Variants in SLC6A4 observed in about 807,000 individuals in gnomAD.
SLC6A4 encodes the protein sodium-dependent serotonin transporter.
In SLC6A4, 22 loss-of-function variants were observed where a neutral mutation model predicts 73.4. The ratio of observed to expected loss-of-function variants is 0.30; its 90% confidence interval spans 0.21 to 0.43. The LOEUF is 0.43. Among genes scored for constraint, SLC6A4 ranks in the 20% least tolerant of loss-of-function variants. The probability of loss-of-function intolerance (pLI) is 1.00; values close to 1 mark genes in which losing one functional copy is unlikely to be tolerated. For synonymous variants in SLC6A4, 270 were observed against 315.5 expected, an observed-to-expected ratio of 0.86 and a Z score of 1.53; for missense variants, 593 against 808.5, an observed-to-expected ratio of 0.73 and a Z score of 3.23.
chr17:30,228,263 C>T (rs766946043), intron 1 of SLC6A4, among the ~76,000 whole-genome samples: 8 of 152,174 alleles, frequency 5.3e-5, no homozygotes, highest in Non-Finnish European at 1.0e-4. Flanking sequence ...TGTGTAAAAG[C>T]AGACTGTTAA....
intron 12 of SLC6A4, among the ~76,000 whole-genome samples, chr17:30,208,569 C>A (rs532712230): frequency 2.0e-5 from 3 of 152,236 alleles, no homozygotes; most frequent in Admixed American, 6.5e-5. Flanking sequence ...GGGAAGATTT[C>A]TTCTTTAAAA....
chr17:30,225,709 C>T (rs947927742), intron 1 of SLC6A4, among the ~76,000 whole-genome samples: 6 of 152,186 alleles, frequency 3.9e-5, no homozygotes, highest in Middle Eastern at 6.8e-3. Flanking sequence ...AGGGTGGTGC[C>T]GTGGACCCCA....
rs1399153589 is a variant in SLC6A4 at position 30,206,780 on chromosome 17, G to A, written c.1650+952C>T. On this transcript the variant is annotated intron_variant, in intron 13 of 14. Transcript: ENST00000650711. ...ATCGCCCAGGCTGGAGTGCAATGGC[G>A]CGATCTCAGCTCACTGCAACCTCCG... 9.2e-5 allele frequency among the ~76,000 whole-genome samples: 12 copies of A among 130,750 alleles called. No homozygotes were observed. The East Asian group carries it at 1.0e-3, about 11-fold the overall frequency. 85.8% of individuals were successfully genotyped at this position (130,750 alleles called of 152,430 possible).
rs752261598 is a variant in SLC6A4 at position 30,198,527 on chromosome 17, T to A, written c.1822A>T (p.Ile608Phe). Residue 608 changes from isoleucine to phenylalanine, a missense_variant, in exon 15 of 15, where the codon ATT (isoleucine) becomes TTT (phenylalanine). By Grantham distance (21) the Ile-to-Phe change is conservative (BLOSUM62 0). Coordinates refer to ENST00000650711, the MANE Select transcript of SLC6A4 (RefSeq NM_001045.6). ...IITPGTFKER[I>F]IKSITPETPT... Reference sequence around the variant, plus strand: ...GTTTCTGGGGTAATACTTTTAATAATACGCTATTGGGAAGAAAATACAATG... The same window carrying A: ...GTTTCTGGGGTAATACTTTTAATAAAACGCTATTGGGAAGAAAATACAATG... 6.4e-7 allele frequency: 1 copy of A among 1,569,186 alleles called. No individual in the cohort carries two copies. The highest frequency in any genetic ancestry group is 1.7e-5 in the Admixed American group (1 of 59,212).
intron 1 of SLC6A4, among the ~76,000 whole-genome samples, chr17:30,228,805 T>C (rs1298006263): frequency 6.6e-6 from 1 of 152,246 alleles, no homozygotes; most frequent in African/African-American, 2.4e-5. Context: ...TCACTCGCCA[T>C]TGATTACCAG....
At chr17:30,199,604 G>GA (rs934388493) in intron 14 of SLC6A4, among the ~76,000 whole-genome samples, 1 of 152,112 alleles carries the variant, frequency 6.6e-6, no homozygotes, top group African/African-American at 2.4e-5. Flanking sequence ...TACAGTTAAT[G>GA]AAATGCACTA....
intron 13 of SLC6A4, chr17:30,203,717 G>C: frequency 4.8e-6 from 1 of 207,198 alleles, no homozygotes; most frequent in Non-Finnish European, 9.8e-6. Context: ...CCAGAAGGCA[G>C]AGGAATAAAC....
At chr17:30,221,581 G>A (rs1906761103) in intron 3 of SLC6A4, 35 bp downstream of exon 3, 1 of 1,575,478 alleles carries the variant, frequency 6.3e-7, no homozygotes, top group African/African-American at 1.3e-5. Context: ...GCCCACCCTG[G>A]GTCACAGCCT....
intron 11 of SLC6A4, 88 bp from the exon 12 acceptor site, chr17:30,209,330 A>C: frequency 1.2e-6 from 1 of 828,978 alleles, no homozygotes. Context: ...CCTCACTTAG[A>C]ATCATTCTGG....
chr17:30,214,440 AAG>A (rs1555588533), intron 8 of SLC6A4, among the ~76,000 whole-genome samples: 17 of 139,822 alleles, frequency 1.2e-4, no homozygotes, highest in Admixed American at 3.6e-4. Context: ...AAAAAAAAAA[AAG>A]AAAAGAAAAG....
chr17:30,212,360 T>C (rs1041269440), intron 9 of SLC6A4, among the ~76,000 whole-genome samples: 1 of 152,216 alleles, frequency 6.6e-6, no homozygotes, highest in African/African-American at 2.4e-5. Context: ...GAAAGATCTC[T>C]AAGGCATCGA....
rs748545934 is a variant in SLC6A4, at chr17:30,231,433, GTA to G, written c.-221+4178_-221+4179del. 5.3e-5 allele frequency among the ~76,000 whole-genome samples: 8 copies of G among 150,516 alleles called. No individual in the cohort carries two copies. The South Asian group carries it at 6.3e-4, about 12-fold the overall frequency. On this transcript the variant is annotated intron_variant, in intron 1 of 14. Coordinates refer to ENST00000650711, the MANE Select transcript of SLC6A4 (RefSeq NM_001045.6). ...ACTGTATGTATCTGTATGTACATAT[GTA>G]TATATATATCTGTATGTATCTGTAT...
intron 12 of SLC6A4, 80 bp from the exon 13 acceptor site, chr17:30,207,912 A>G: frequency 9.7e-7 from 1 of 1,030,662 alleles, no homozygotes; most frequent in Non-Finnish European, 1.5e-6. Context: ...TCTCTGGGAG[A>G]GTCAGAGTCA....
chr17:30,214,240 T>C (rs1206409884), intron 8 of SLC6A4, among the ~76,000 whole-genome samples: 4 of 151,582 alleles, frequency 2.6e-5, no homozygotes, highest in African/African-American at 9.7e-5. Context: ...CTGACCAACA[T>C]GGAGAAACCC....
intron 14 of SLC6A4, among the ~76,000 whole-genome samples, chr17:30,202,043 G>T (rs1906053452): frequency 1.3e-5 from 2 of 152,132 alleles, no homozygotes; most frequent in South Asian, 4.1e-4. Context: ...AGTGAGCCAT[G>T]ATTATACCAC....
At chr17:30,200,257 T>C (rs1905991588) in intron 14 of SLC6A4, among the ~76,000 whole-genome samples, 1 of 152,248 alleles carries the variant, frequency 6.6e-6, no homozygotes, top group Admixed American at 6.5e-5. Context: ...CACGTCTGTT[T>C]TCCGTGCTTT....
chr17:30,213,310 T>C (rs538822657), intron 8 of SLC6A4, among the ~76,000 whole-genome samples: 1 of 150,372 alleles, frequency 6.7e-6, no homozygotes, highest in South Asian at 2.1e-4. Context: ...TTCTTTTTTT[T>C]TTTTTTTTTT....
chr17:30,217,339 C>T (rs1435830821), intron 5 of SLC6A4, 35 bp from the exon 6 acceptor site: 1 of 1,602,498 alleles, frequency 6.2e-7, no homozygotes. Flanking sequence ...CCCTGAGAGG[C>T]TCTGTAGAGT....
At chr17:30,203,031 C>T in intron 14 of SLC6A4, 141 bp downstream of exon 14, 1 of 634,158 alleles carries the variant, frequency 1.6e-6, no homozygotes. Context: ...GAGGTCTTCG[C>T]CATGGCACAG....
Sources: allele counts gnomAD v4.1 joint callset (sites outside exome capture counted in the v4.1 genomes callset), GRCh38; gene constraint gnomAD v4.1.1; transcripts MANE v1.5; gene names NCBI Gene and HGNC (gene_info 2026-07-23, HGNC 2026-07-21).